The following FBN2 variants were observed in gnomAD, a reference collection of about 807,000 sequenced individuals.
The protein encoded by FBN2 is fibrillin-2.
In FBN2, 105 loss-of-function variants were observed where a neutral mutation model predicts 355.6. The ratio of observed to expected loss-of-function variants is 0.30; its 90% confidence interval spans 0.25 to 0.35. The LOEUF (loss-of-function observed/expected upper bound fraction) is 0.35. Among genes scored for constraint, FBN2 ranks in the 10% least tolerant of loss-of-function variants. The pLI, the probability that FBN2 is intolerant of heterozygous loss-of-function variation, is 1.00. For missense variants in FBN2, 3,280 were observed against 3,758.7 expected, an observed-to-expected ratio of 0.87 and a Z score of 3.33; for synonymous variants, 1,350 against 1,301.2, an observed-to-expected ratio of 1.04 and a Z score of -0.81.
intron 7 of FBN2, among the ~76,000 whole-genome samples, chr5:128,431,422 T>TA (rs1187671320): frequency 6.6e-6 from 1 of 152,204 alleles, no homozygotes; most frequent in Non-Finnish European, 1.5e-5. Flanking sequence ...GTTCACGTCT[T>TA]CTACCCACAA....
chr5:128,471,633 T>C (rs1754862302), intron 5 of FBN2, among the ~76,000 whole-genome samples: 1 of 152,122 alleles, frequency 6.6e-6, no homozygotes, highest in Non-Finnish European at 1.5e-5. Flanking sequence ...TCCATGAAAC[T>C]GGCCTTAAAA....
intron 48 of FBN2, among the ~76,000 whole-genome samples, chr5:128,293,937 C>T (rs976162001): frequency 7.9e-5 from 12 of 152,058 alleles, no homozygotes; most frequent in African/African-American, 2.7e-4. Flanking sequence ...GCTGCACCCA[C>T]TAACTCGTCA....
At chr5:128,477,809 G>C (rs1034927587) in intron 5 of FBN2, among the ~76,000 whole-genome samples, 11 of 152,204 alleles carry the variant, frequency 7.2e-5, no homozygotes, top group Non-Finnish European at 5.9e-5. Flanking sequence ...CATGGTGCGA[G>C]GGGGCTGGGG....
intron 8 of FBN2, among the ~76,000 whole-genome samples, chr5:128,399,350 T>G (rs1752733049): frequency 6.6e-6 from 1 of 152,178 alleles, no homozygotes. Flanking sequence ...CAGAACACAA[T>G]GAAATAATAT....
intron 58 of FBN2, 68 bp downstream of exon 58, chr5:128,277,812 G>A (rs1272506429): frequency 6.6e-7 from 1 of 1,522,972 alleles, no homozygotes; most frequent in African/African-American, 1.4e-5. Flanking sequence ...TACTGATAAT[G>A]AGTGACTTGC....
At chr5:128,329,851 G>A (rs1750646322) in intron 33 of FBN2, among the ~76,000 whole-genome samples, 1 of 152,172 alleles carries the variant, frequency 6.6e-6, no homozygotes, top group Non-Finnish European at 1.5e-5. Context: ...AAACTGAAGA[G>A]TATTCAACTT....
chr5:128,365,932 GTAAA>G (rs1751753951), intron 17 of FBN2, among the ~76,000 whole-genome samples: 1 of 151,674 alleles, frequency 6.6e-6, no homozygotes, highest in African/African-American at 2.4e-5. Flanking sequence ...ATTCTTAGGT[GTAAA>G]TAGTCTTAAC....
In FBN2 at chr5:128,349,427, C is replaced by A. The variant is rs368402648; in HGVS notation, c.2909G>T (p.Arg970Leu). The change falls in exon 23 of 65, where the codon CGC (arginine) becomes CTC (leucine). Residue 970 changes from arginine (R) to leucine (L), a missense_variant. Transcript: ENST00000262464. ...AAAAGATCCCTTACTGTTGACACAG[C>A]GTCCATTTGGACAAACGCCAGGGAA... is the stretch of plus-strand genomic sequence containing the variant. Reference protein sequence around the residue: ...EVFPGVCPNGRCVNSKGSFHC... With the variant: ...EVFPGVCPNGLCVNSKGSFHC... 1.2e-6 allele frequency: 2 copies of A among 1,613,820 alleles called. No homozygotes were observed. The highest frequency in any genetic ancestry group is 2.7e-5 in the African/African-American group (2 of 74,892).
At chr5:128,315,844 G>A (rs546057371) in intron 36 of FBN2, among the ~76,000 whole-genome samples, 4 of 152,070 alleles carry the variant, frequency 2.6e-5, no homozygotes, top group African/African-American at 7.2e-5. Flanking sequence ...CTTTGTCTAC[G>A]GAAATACACT....
At chr5:128,501,213 C>G (rs1267819222) in intron 5 of FBN2, among the ~76,000 whole-genome samples, 1 of 152,158 alleles carries the variant, frequency 6.6e-6, no homozygotes, top group Non-Finnish European at 1.5e-5. Context: ...AAGAATACTT[C>G]CATGACAAGA....
chr5:128,368,467 C>CATATATATATA (rs1170173654), intron 16 of FBN2, among the ~76,000 whole-genome samples: 1 of 143,234 alleles, frequency 7.0e-6, no homozygotes, highest in African/African-American at 2.6e-5. Flanking sequence ...CATATATATA[C>CATATATATATA]ATATATATAC....
chr5:128,286,111 T>C (rs1390897377), intron 55 of FBN2, among the ~76,000 whole-genome samples: 2 of 152,200 alleles, frequency 1.3e-5, no homozygotes, highest in South Asian at 2.1e-4. Context: ...CTTGGAAGAA[T>C]AGTGTTTTTG....
intron 13 of FBN2, 36 bp downstream of exon 13, chr5:128,377,716 T>C: frequency 6.2e-7 from 1 of 1,608,888 alleles, no homozygotes; most frequent in Non-Finnish European, 8.5e-7. Context: ...TATATCCTTT[T>C]AAAATCTTTT....
chr5:128,287,428 T>A lies in FBN2; in HGVS notation c.6760A>T (p.Ile2254Phe). ...AGTGGGTTCTGGGCACATTCGTTGA[T>A]ATCTGACCAAAGGAATGGACAGGAA... is the stretch of plus-strand genomic sequence containing the variant. ...EPGPMMNCEDINECAQNPLLC... is the reference protein window; with the variant it reads ...EPGPMMNCEDFNECAQNPLLC... Residue 2254 changes from isoleucine (I) to phenylalanine (F), a missense_variant and splice_region_variant, in exon 54 of 65, where the codon ATC becomes TTC. By Grantham distance (21) the Ile-to-Phe change is conservative (BLOSUM62 0). Transcript: ENST00000262464. 2.5e-6 allele frequency: 4 copies of A among 1,613,888 alleles called. No homozygotes were observed. The highest frequency in any genetic ancestry group is 3.4e-6 in the Non-Finnish European group (4 of 1,179,830).
At chr5:128,356,630 T>C (rs1393689623) in intron 20 of FBN2, among the ~76,000 whole-genome samples, 1 of 152,208 alleles carries the variant, frequency 6.6e-6, no homozygotes, top group Admixed American at 6.5e-5. Context: ...ACGTGCTGGA[T>C]TTTTCCTTGC....
chr5:128,287,261 C>T (rs773682816), intron 54 of FBN2, 47 bp downstream of exon 54: 2 of 1,603,850 alleles, frequency 1.2e-6, no homozygotes, highest in Non-Finnish European at 1.7e-6. Flanking sequence ...GATGTATCTC[C>T]AGCATGACAA....
Position 128,336,115 on chromosome 5 carries a change from T to C in FBN2, c.3599-2A>G. ...CACTCAGGGAGCATTCATTAATATC[T>C]ATAAAAGATACACAGAAGTAATGCT... On this transcript the variant is annotated splice_acceptor_variant, in intron 27 of 64. Transcript: ENST00000262464. LOFTEE classifies it high-confidence loss of function. The C allele has an allele frequency of 6.2e-7, 1 of 1,613,010 alleles. No homozygotes were observed. The highest frequency in any genetic ancestry group is 8.5e-7 in the Non-Finnish European group (1 of 1,179,476).
rs1308861145 is a variant in FBN2 at position 128,493,410 on chromosome 5, A to T, written c.628+25863T>A. Among the ~76,000 whole-genome samples the T allele has an allele frequency of 2.6e-5, 4 of 152,200 alleles. No homozygotes were observed. The East Asian group carries it at 7.7e-4, about 29-fold the overall frequency. ...GAGAAAAGATAATAATAATGATGAT[A>T]ACAGCTAACAGTTATCGAGCACTCA... On this transcript the variant is annotated intron_variant, in intron 5 of 64. Coordinates refer to ENST00000262464, the MANE Select transcript of FBN2 (RefSeq NM_001999.4).
intron 19 of FBN2, among the ~76,000 whole-genome samples, chr5:128,359,592 C>T (rs1035809248): frequency 6.6e-6 from 1 of 152,042 alleles, no homozygotes; most frequent in Non-Finnish European, 1.5e-5. Flanking sequence ...TCTATCATTT[C>T]TTCTTTATTT....
Sources: allele counts gnomAD v4.1 joint callset (sites outside exome capture counted in the v4.1 genomes callset), GRCh38; gene constraint gnomAD v4.1.1; transcripts MANE v1.5; gene names NCBI Gene and HGNC (gene_info 2026-07-23, HGNC 2026-07-21).